Variants in HIVEP1 observed in about 807,000 individuals in gnomAD.
HIVEP1 encodes HIVEP zinc finger 1.
HIVEP1 carries 36 observed loss-of-function variants against 180.0 expected under a neutral mutation model. The observed-to-expected ratio is 0.20, with a 90% CI of 0.15 to 0.26. HIVEP1 has a LOEUF of 0.26. Ranked by LOEUF, HIVEP1 falls within the 10% of genes least tolerant of loss-of-function variation. The pLI, the probability that HIVEP1 is intolerant of heterozygous loss-of-function variation, is 1.00. For synonymous variants in HIVEP1, 1,239 were observed against 1,239.0 expected (o/e 1.00, Z 0.00); for missense variants, 3,143 against 3,268.7 (o/e 0.96, Z 0.94).
intron 4 of HIVEP1, among the ~76,000 whole-genome samples, chr6:12,127,855 T>A (rs976111168): frequency 6.6e-6 from 1 of 152,200 alleles, no homozygotes; most frequent in Non-Finnish European, 1.5e-5. Flanking sequence ...GGCAAATGGG[T>A]ATATCTGGAC....
chr6:12,186,428 AGAATTGAAATT>A, the HIVEP1 span, among the ~76,000 whole-genome samples: 1 of 151,976 alleles, frequency 6.6e-6, no homozygotes, highest in African/African-American at 2.4e-5. Context: ...GCTGAAGATA[AGAATTGAAATT>A]GACTGGAAAC....
chr6:12,033,370 A>C (rs903926939), intron 2 of HIVEP1, among the ~76,000 whole-genome samples: 1 of 152,036 alleles, frequency 6.6e-6, no homozygotes, highest in South Asian at 2.1e-4. Context: ...CAGGTGGAAC[A>C]TCTGTACAAT....
chr6:12,102,475 C>CTT (rs1227468291), intron 3 of HIVEP1, among the ~76,000 whole-genome samples: 1 of 147,138 alleles, frequency 6.8e-6, no homozygotes, highest in Non-Finnish European at 1.5e-5. Context: ...CACATTGTCC[C>CTT]TAAGAGGAGG....
At chr6:12,140,240 G>A (rs564454055) in intron 7 of HIVEP1, among the ~76,000 whole-genome samples, 1 of 152,356 alleles carries the variant, frequency 6.6e-6, no homozygotes, top group South Asian at 2.1e-4. Flanking sequence ...TGGACCTCCA[G>A]CAAACTCCAA....
chr6:12,045,285 T>C (rs1770052265), intron 2 of HIVEP1, among the ~76,000 whole-genome samples: 1 of 152,198 alleles, frequency 6.6e-6, no homozygotes, highest in Non-Finnish European at 1.5e-5. Flanking sequence ...TGCCCTGTAT[T>C]GCTCACTGGA....
intron 2 of HIVEP1, among the ~76,000 whole-genome samples, chr6:12,040,835 G>C (rs1157116669): frequency 6.6e-6 from 1 of 151,996 alleles, no homozygotes; most frequent in East Asian, 1.9e-4. Flanking sequence ...GGAAAGTGAA[G>C]AGGGAGTAGG....
At chr6:12,146,531 C>T (rs367743036) in intron 7 of HIVEP1, among the ~76,000 whole-genome samples, 48 of 152,106 alleles carry the variant, frequency 3.2e-4, no homozygotes, top group African/African-American at 1.1e-3. Context: ...CTACTTGATA[C>T]CTTTACTTAT....
intron 2 of HIVEP1, among the ~76,000 whole-genome samples, chr6:12,029,952 T>C (rs774667716): frequency 5.3e-5 from 8 of 152,222 alleles, no homozygotes; most frequent in Non-Finnish European, 1.2e-4. Context: ...ACCTGAAATA[T>C]TTCATGTAGC....
At chr6:12,022,375 T>A (rs1364571249) in intron 2 of HIVEP1, among the ~76,000 whole-genome samples, 1 of 152,050 alleles carries the variant, frequency 6.6e-6, no homozygotes, top group Non-Finnish European at 1.5e-5. Context: ...TTTCACCATT[T>A]TGGCCAGGCT....
intron 2 of HIVEP1, among the ~76,000 whole-genome samples, chr6:12,032,438 G>A (rs1402740464): frequency 1.3e-5 from 2 of 151,980 alleles, no homozygotes; most frequent in African/African-American, 2.4e-5. Context: ...CACCGCGCCC[G>A]GCCATGATAA....
At chr6:12,059,210 G>A (rs1366756669) in intron 2 of HIVEP1, among the ~76,000 whole-genome samples, 1 of 152,092 alleles carries the variant, frequency 6.6e-6, no homozygotes, top group South Asian at 2.1e-4. Context: ...GCTAATTTTT[G>A]TATTTTTAGA....
In HIVEP1 at chr6:12,125,463, G is replaced by A. The variant is rs1449565053; in HGVS notation, c.5668G>A (p.Asp1890Asn). 6.2e-7 allele frequency: 1 copy of A among 1,613,964 alleles called. No individual in the cohort carries two copies. The highest frequency in any genetic ancestry group is 8.5e-7 in the Non-Finnish European group (1 of 1,180,026). The change falls in exon 4 of 9, where the codon GAC (aspartate) becomes AAC (asparagine). Residue 1890 changes from aspartate (D) to asparagine (N), a missense_variant. By Grantham distance (23) the Asp-to-Asn change is conservative (BLOSUM62 1). This residue lies in a region of HIVEP1 where 1,357 missense variants were observed against 1,260.5 expected (regional missense o/e 1.08). Coordinates refer to ENST00000379388, the MANE Select transcript of HIVEP1 (RefSeq NM_002114.4). ...NTHISPLKCT[D>N]NNQERKSPGV... Reference sequence around the variant, plus strand: ...TCATATTTCTCCTTTGAAATGTACAGACAATAACCAAGAAAGGAAGTCTCC... The same window carrying A: ...TCATATTTCTCCTTTGAAATGTACAAACAATAACCAAGAAAGGAAGTCTCC...
At chr6:12,036,424 G>A (rs17676598) in intron 2 of HIVEP1, among the ~76,000 whole-genome samples, 1 of 152,074 alleles carries the variant, frequency 6.6e-6, no homozygotes, top group East Asian at 1.9e-4. Context: ...CTTTTGTTAG[G>A]GTGACAGCAA....
At chr6:12,030,052 T>C (rs1440376782) in intron 2 of HIVEP1, among the ~76,000 whole-genome samples, 1 of 152,200 alleles carries the variant, frequency 6.6e-6, no homozygotes, top group African/African-American at 2.4e-5. Context: ...TGAAGCATAA[T>C]TTTCTGGATA....
At position 12,082,161 on chromosome 6, in the gene HIVEP1, C is replaced by G. The variant is rs570623999; in HGVS notation, c.41-7023C>G. Among the ~76,000 whole-genome samples, 98 of 152,072 alleles carry G rather than the reference C, an allele frequency of 6.4e-4. 1 individual carries two copies. In the South Asian group the frequency reaches 0.016, roughly 25 times the overall value. On this transcript the variant is annotated intron_variant, in intron 2 of 8. Transcript: ENST00000379388. ...TGCCTTAAATGGAGAGTAATTAACC[C>G]AACAGAACCACTTGTCAAAGCTTAA...
rs779882407 is a variant in HIVEP1, at chr6:12,122,584, G to T, written c.2789G>T (p.Gly930Val). Reference sequence around the variant, plus strand: ...AGCCACCAAGGATGCCATGCTGCTGGTGAAGCCATGTCAGTGAGGAGCAAG... The same window carrying T: ...AGCCACCAAGGATGCCATGCTGCTGTTGAAGCCATGTCAGTGAGGAGCAAG... ...DESHQGCHAA[G>V]EAMSVRSKAL... Residue 930 changes from glycine (G) to valine (V), a missense_variant, in exon 4 of 9, where the codon GGT (glycine) becomes GTT (valine). By Grantham distance (109) the Gly-to-Val change is moderately radical. Coordinates refer to ENST00000379388, the MANE Select transcript of HIVEP1 (RefSeq NM_002114.4). 9.3e-6 allele frequency: 15 copies of T among 1,614,206 alleles called. No homozygotes were observed. The highest frequency in any genetic ancestry group is 1.1e-5 in the Non-Finnish European group (13 of 1,180,038).
intron 2 of HIVEP1, among the ~76,000 whole-genome samples, chr6:12,023,010 A>G (rs1370044894): frequency 1.3e-5 from 2 of 152,190 alleles, no homozygotes; most frequent in Non-Finnish European, 2.9e-5. Context: ...TTCTCAAGAA[A>G]CAGATTCTGA....
At chr6:12,050,064 C>A (rs1341345228) in intron 2 of HIVEP1, among the ~76,000 whole-genome samples, 2 of 152,146 alleles carry the variant, frequency 1.3e-5, no homozygotes, top group East Asian at 3.8e-4. Flanking sequence ...CCTATCTGAT[C>A]AGCTTTGTCC....
chr6:12,055,406 G>C (rs932749109), intron 2 of HIVEP1, among the ~76,000 whole-genome samples: 2 of 152,172 alleles, frequency 1.3e-5, no homozygotes, highest in African/African-American at 4.8e-5. Flanking sequence ...TAGGAAGTCA[G>C]AGGTTGCAGT....
Sources: gnomAD v4.1 joint callset for allele counts (sites outside exome capture counted in the v4.1 genomes callset) on GRCh38, gnomAD v4.1.1 for gene constraint, gnomAD v4.1.1 regional missense constraint, MANE v1.5 for transcripts, NCBI Gene and HGNC (gene_info 2026-07-23, HGNC 2026-07-21) for gene names.